The following DOCK1 variants were observed in gnomAD, a reference collection of about 807,000 sequenced individuals.
DOCK1 encodes the protein dedicator of cytokinesis protein 1.
DOCK1 carries 138 observed loss-of-function variants against 262.7 expected under a neutral mutation model. That is an observed-to-expected ratio of 0.53 (90% CI 0.46 to 0.61). The LOEUF (loss-of-function observed/expected upper bound fraction) is 0.61, where lower values mean the gene tolerates loss of function less well. Among genes scored for constraint, DOCK1 ranks in the 20% least tolerant of loss-of-function variants. The pLI, the probability that DOCK1 is intolerant of heterozygous loss-of-function variation, is 0.00. For missense variants in DOCK1, 1,908 were observed against 2,370.7 expected, an observed-to-expected ratio of 0.80 and a Z score of 4.05; for synonymous variants, 866 against 867.4, an observed-to-expected ratio of 1.00 and a Z score of 0.03.
At chr10:126,941,629 G>A (rs973393949) in intron 1 of DOCK1, among the ~76,000 whole-genome samples, 4 of 152,084 alleles carry the variant, frequency 2.6e-5, no homozygotes, top group Admixed American at 1.3e-4. Flanking sequence ...GGTGGCGGGT[G>A]CCTGTAGTCC....
intron 27 of DOCK1, chr10:127,135,285 C>T (rs2050591226): frequency 6.6e-6 from 1 of 152,176 alleles, no homozygotes; most frequent in African/African-American, 2.4e-5. Context: ...TGGGTCAGGC[C>T]CAGGCCTTAC....
chr10:126,946,618 GTC>G (rs1166244721), intron 1 of DOCK1, among the ~76,000 whole-genome samples: 8 of 152,118 alleles, frequency 5.3e-5, no homozygotes, highest in Non-Finnish European at 1.2e-4. Context: ...TATATTTTCT[GTC>G]TCTGAATTTG....
At chr10:126,907,153 C>T (rs1282797646) in intron 1 of DOCK1, among the ~76,000 whole-genome samples, 2 of 152,040 alleles carry the variant, frequency 1.3e-5, no homozygotes, top group African/African-American at 2.4e-5. Context: ...GTGGATATTC[C>T]ACCTGAGAAT....
chr10:127,314,894 C>T (rs2062207719), intron 29 of DOCK1, among the ~76,000 whole-genome samples: 1 of 152,222 alleles, frequency 6.6e-6, no homozygotes, highest in South Asian at 2.1e-4. Flanking sequence ...TCAGAAAGCA[C>T]TTGGACTCCA....
chr10:127,153,297 T>C (rs1255755585), intron 27 of DOCK1, among the ~76,000 whole-genome samples: 2 of 152,214 alleles, frequency 1.3e-5, no homozygotes, highest in African/African-American at 4.8e-5. Flanking sequence ...GAGTTTCTGC[T>C]GTATTCTTGT....
chr10:127,317,008 A>G (rs1338612337), intron 29 of DOCK1, among the ~76,000 whole-genome samples: 2 of 152,206 alleles, frequency 1.3e-5, no homozygotes, highest in Non-Finnish European at 2.9e-5. Context: ...AAGCGAGCTG[A>G]CTTTTCTGTA....
rs1472118634 is a variant in DOCK1 at position 127,306,354 on chromosome 10, C to T, written c.3045-32652C>T. On this transcript the variant is annotated intron_variant, in intron 29 of 51. Transcript: ENST00000623213. Reference sequence around the variant, plus strand: ...TTGATTTGGAGTTGGTGAATCAACTCGAAAACCTCAAAAGGGGGCTGTGAG... The same window carrying T: ...TTGATTTGGAGTTGGTGAATCAACTTGAAAACCTCAAAAGGGGGCTGTGAG... Among the ~76,000 whole-genome samples, 3 of 152,010 alleles carry T rather than the reference C, an allele frequency of 2.0e-5. No individual in the cohort carries two copies. The East Asian group carries it at 5.8e-4, about 29-fold the overall frequency.
chr10:127,021,703 C>T (rs1288884043), intron 13 of DOCK1, among the ~76,000 whole-genome samples: 3 of 152,150 alleles, frequency 2.0e-5, no homozygotes, highest in East Asian at 1.9e-4. Flanking sequence ...GGGCGGCAGC[C>T]GCGCCTCCTT....
At chr10:127,423,613 T>C (rs2068640439) in intron 46 of DOCK1, among the ~76,000 whole-genome samples, 1 of 152,180 alleles carries the variant, frequency 6.6e-6, no homozygotes. Context: ...TACAGTCTCA[T>C]ATTAAACTGC....
At chr10:127,375,275 A>G (rs2065425227) in intron 35 of DOCK1, among the ~76,000 whole-genome samples, 1 of 152,224 alleles carries the variant, frequency 6.6e-6, no homozygotes. Context: ...TGCTTCTCTT[A>G]TAAAGAAACA....
chr10:127,214,625 A>C (rs1037616290), intron 27 of DOCK1, among the ~76,000 whole-genome samples: 17 of 152,184 alleles, frequency 1.1e-4, no homozygotes, highest in Non-Finnish European at 2.5e-4. Flanking sequence ...GTTTGCTATT[A>C]GGACAGCGTG....
chr10:127,185,899 A>G (rs974044246), intron 27 of DOCK1, among the ~76,000 whole-genome samples: 1 of 152,210 alleles, frequency 6.6e-6, no homozygotes, highest in Non-Finnish European at 1.5e-5. Context: ...TTGGGGCCCC[A>G]TACTGTTGTA....
chr10:127,323,592 G>A (rs946831134), intron 29 of DOCK1, among the ~76,000 whole-genome samples: 8 of 152,184 alleles, frequency 5.3e-5, no homozygotes, highest in African/African-American at 9.7e-5. Context: ...TCAGCATCCC[G>A]CTTCCCCAGA....
chr10:127,080,736 A>C (rs1446278331), intron 23 of DOCK1, among the ~76,000 whole-genome samples: 1 of 152,140 alleles, frequency 6.6e-6, no homozygotes, highest in Non-Finnish European at 1.5e-5. Flanking sequence ...GCTATTATAA[A>C]TCAGCTTTAT....
intron 27 of DOCK1, among the ~76,000 whole-genome samples, chr10:127,232,271 G>GA (rs1590047956): frequency 6.6e-6 from 1 of 152,260 alleles, no homozygotes; most frequent in East Asian, 1.9e-4. Flanking sequence ...AGAATCCCCG[G>GA]AATGATTTCC....
At chr10:126,967,279 A>G (rs890479811) in intron 1 of DOCK1, among the ~76,000 whole-genome samples, 2 of 152,186 alleles carry the variant, frequency 1.3e-5, no homozygotes, top group South Asian at 2.1e-4. Context: ...GGCAACTGTG[A>G]AAGGCCAAAT....
chr10:127,252,373 A>G lies in DOCK1; in HGVS notation c.2949+4264A>G, dbSNP rs1437471076. On this transcript the variant is annotated intron_variant, in intron 28 of 51. Coordinates refer to ENST00000623213, the MANE Select transcript of DOCK1 (RefSeq NM_001290223.2). ...CTGATGGTAGTTTCTTTTGCTGTGC[A>G]GAAGCTCTTTAGTTTAATTAGATCC... Among the ~76,000 whole-genome samples the G allele has an allele frequency of 2.6e-5, 4 of 151,300 alleles. No individual in the cohort carries two copies. The East Asian group carries it at 7.8e-4, about 30-fold the overall frequency.
chr10:126,921,521 G>A (rs190082774), intron 1 of DOCK1, among the ~76,000 whole-genome samples: 138 of 152,332 alleles, frequency 9.1e-4, no homozygotes, highest in African/African-American at 3.2e-3. Context: ...TGTAGGCACA[G>A]AAAGCAGATT....
At chr10:127,422,556 C>G (rs1468587470) in intron 46 of DOCK1, among the ~76,000 whole-genome samples, 3 of 152,098 alleles carry the variant, frequency 2.0e-5, no homozygotes, top group Admixed American at 2.0e-4. Context: ...GGGAAGAAAT[C>G]AGACTTTGTC....
Sources: gnomAD v4.1 joint callset for allele counts (sites outside exome capture counted in the v4.1 genomes callset) on GRCh38, gnomAD v4.1.1 for gene constraint, MANE v1.5 for transcripts, NCBI Gene and HGNC (gene_info 2026-07-23, HGNC 2026-07-21) for gene names.